The following PTPRD variants were observed in gnomAD, a reference collection of about 807,000 sequenced individuals.
The protein encoded by PTPRD is protein tyrosine phosphatase receptor type D.
In PTPRD, 34 loss-of-function variants were observed where a neutral mutation model predicts 214.5. The ratio of observed to expected loss-of-function variants is 0.16; its 90% CI spans 0.12 to 0.21. The LOEUF is 0.21. PTPRD is among the 10% of genes least tolerant of loss of function. The pLI is 1.00. For missense variants in PTPRD, 2,545 were observed against 2,398.7 expected (o/e 1.06, Z -1.27); for synonymous variants, 1,128 against 845.7 (o/e 1.33, Z -5.79).
intron 2 of PTPRD, among the ~76,000 whole-genome samples, chr9:10,599,611 C>G (rs1460818450): frequency 1.3e-5 from 2 of 151,698 alleles, no homozygotes; most frequent in Non-Finnish European, 1.5e-5. Flanking sequence ...TTTGCCAGGA[C>G]AAATATTGCA....
intron 9 of PTPRD, among the ~76,000 whole-genome samples, chr9:9,276,806 T>A (rs1264233296): frequency 6.6e-6 from 1 of 151,414 alleles, no homozygotes; most frequent in Admixed American, 6.6e-5. Context: ...TTCCTAATTC[T>A]ATATTTCACT....
intron 3 of PTPRD, among the ~76,000 whole-genome samples, chr9:10,288,306 A>AT (rs5896380): frequency 3.3e-5 from 5 of 150,348 alleles, no homozygotes; most frequent in East Asian, 1.9e-4. Flanking sequence ...ACGATCATAG[A>AT]TTTTTTTAAA....
chr9:9,429,486 G>C (rs572831430), intron 8 of PTPRD, among the ~76,000 whole-genome samples: 2 of 152,244 alleles, frequency 1.3e-5, no homozygotes, highest in South Asian at 2.1e-4. Context: ...AGAGGAGCTG[G>C]TACCATTACT....
chr9:9,401,235 A>G (rs1569568002), intron 8 of PTPRD, among the ~76,000 whole-genome samples: 1 of 152,130 alleles, frequency 6.6e-6, no homozygotes. Context: ...TCACTGAAAT[A>G]CATACATGCA....
chr9:8,331,212 CACAAACAGAAG>C (rs1242031131), intron 44 of PTPRD, among the ~76,000 whole-genome samples: 1 of 148,878 alleles, frequency 6.7e-6, no homozygotes, highest in Non-Finnish European at 1.5e-5. Context: ...ATGAGGTTTT[CACAAACAGAAG>C]AAAGACAGTT....
chr9:8,365,108 A>G (rs10976995), intron 39 of PTPRD, among the ~76,000 whole-genome samples: 9,875 of 152,072 alleles, frequency 0.065, 425 homozygotes, highest in Middle Eastern at 0.11. Context: ...CATTGGCCTA[A>G]TTTTGTTTTC....
intron 8 of PTPRD, among the ~76,000 whole-genome samples, chr9:9,568,606 T>C (rs1028928666): frequency 4.6e-5 from 7 of 151,958 alleles, no homozygotes; most frequent in African/African-American, 1.7e-4. Context: ...CACTGAGTCA[T>C]ACATGTATGG....
chr9:8,580,788 A>C (rs767130457), intron 14 of PTPRD, among the ~76,000 whole-genome samples: 8 of 152,200 alleles, frequency 5.3e-5, no homozygotes, highest in Non-Finnish European at 1.0e-4. Context: ...ATACACACAC[A>C]CACGCTTATA....
At chr9:9,188,472 T>C (rs895500723) in intron 9 of PTPRD, among the ~76,000 whole-genome samples, 3 of 152,126 alleles carry the variant, frequency 2.0e-5, no homozygotes, top group Admixed American at 6.6e-5. Flanking sequence ...AATTATACTT[T>C]TCCTGCAATA....
intron 11 of PTPRD, among the ~76,000 whole-genome samples, chr9:8,971,080 A>C (rs2099235356): frequency 6.6e-6 from 1 of 151,706 alleles, no homozygotes; most frequent in South Asian, 2.1e-4. Flanking sequence ...CTTTTCTTCT[A>C]TAACTTTAAA....
At chr9:9,431,060 A>C (rs1005664396) in intron 8 of PTPRD, among the ~76,000 whole-genome samples, 32 of 152,230 alleles carry the variant, frequency 2.1e-4, no homozygotes, top group Non-Finnish European at 3.7e-4. Context: ...AATGGGATCT[A>C]ATTAAACTAA....
At position 9,822,247 on chromosome 9, in the gene PTPRD, C is replaced by T. The variant is rs561234115; in HGVS notation, c.-367-55396G>A. 2.7e-5 allele frequency among the ~76,000 whole-genome samples: 4 copies of T among 150,800 alleles called. No individual in the cohort carries two copies. The South Asian group carries it at 8.4e-4, about 31-fold the overall frequency. The stretch of plus-strand genomic sequence containing the variant: ...CCAACATGGTGAAACCCCTTCTCTA[C>T]TAAAAGTACAAAAGTTAGCTGGGCA... On this transcript the variant is annotated intron_variant, in intron 5 of 45. Transcript: ENST00000381196.
At chr9:10,572,824 G>A (rs1472593160) in intron 2 of PTPRD, among the ~76,000 whole-genome samples, 1 of 151,994 alleles carries the variant, frequency 6.6e-6, no homozygotes, top group African/African-American at 2.4e-5. Flanking sequence ...TCTAGAACCA[G>A]AATGAAACAG....
chr9:9,018,512 T>C (rs967169644), intron 11 of PTPRD, among the ~76,000 whole-genome samples, 185 bp downstream of exon 11: 1 of 152,214 alleles, frequency 6.6e-6, no homozygotes. Context: ...AGAAAATTTA[T>C]GTATATTTTT....
At chr9:8,933,313 G>C (rs1243244702) in intron 11 of PTPRD, among the ~76,000 whole-genome samples, 1 of 126,942 alleles carries the variant, frequency 7.9e-6, no homozygotes, top group Non-Finnish European at 1.6e-5. Context: ...GTTCCTATTT[G>C]GCCATCTTGC....
At chr9:10,239,500 T>C (rs2099639956) in intron 3 of PTPRD, among the ~76,000 whole-genome samples, 2 of 151,996 alleles carry the variant, frequency 1.3e-5, no homozygotes, top group African/African-American at 4.8e-5. Flanking sequence ...GGGGGATTTG[T>C]ACTAATAGGG....
intron 2 of PTPRD, among the ~76,000 whole-genome samples, chr9:10,610,030 T>C (rs1329078602): frequency 6.6e-6 from 1 of 152,140 alleles, no homozygotes; most frequent in Non-Finnish European, 1.5e-5. Context: ...GCTTATGTAT[T>C]TCATCGGGCC....
At chr9:9,941,005 GAA>G (rs202187663) in intron 4 of PTPRD, among the ~76,000 whole-genome samples, 10 of 150,014 alleles carry the variant, frequency 6.7e-5, no homozygotes, top group Admixed American at 5.3e-4. Flanking sequence ...GGCCACACCA[GAA>G]AAAAAAAGAG....
intron 2 of PTPRD, among the ~76,000 whole-genome samples, chr9:10,533,162 C>T (rs1031889711): frequency 2.0e-5 from 3 of 152,092 alleles, no homozygotes; most frequent in African/African-American, 7.2e-5. Context: ...GGTTCCATTC[C>T]TGCTTTCCTC....
Sources: allele counts gnomAD v4.1 joint callset (sites outside exome capture counted in the v4.1 genomes callset), GRCh38; gene constraint gnomAD v4.1.1; transcripts MANE v1.5; gene names NCBI Gene and HGNC (gene_info 2026-07-23, HGNC 2026-07-21).